ACVRL1: variants seen among roughly 807,000 people sequenced by gnomAD.
ACVRL1 encodes activin A receptor like type 1.
Under a neutral mutation model 51.9 loss-of-function variants are expected in ACVRL1, and 20 were observed. The observed-to-expected ratio is 0.39, with a 90% confidence interval of 0.27 to 0.56. The LOEUF (loss-of-function observed/expected upper bound fraction) is 0.56. ACVRL1 is among the 20% of genes least tolerant of loss of function. The probability of loss-of-function intolerance (pLI) is 0.67; values close to 1 mark genes in which losing one functional copy is unlikely to be tolerated. For synonymous variants in ACVRL1, 288 were observed against 280.9 expected, an observed-to-expected ratio of 1.03 and a Z score of -0.25; for missense variants, 451 against 670.3, an observed-to-expected ratio of 0.67 and a Z score of 3.61.
intron 6 of ACVRL1, among the ~76,000 whole-genome samples, chr12:51,914,877 G>A (rs1250237834): frequency 2.0e-5 from 3 of 152,054 alleles, no homozygotes; most frequent in Admixed American, 6.5e-5. Flanking sequence ...TTGAGTAGCT[G>A]GGACCACAGG....
At position 51,919,013 on chromosome 12, in the gene ACVRL1, C is replaced by T. The variant is rs191763644; in HGVS notation, c.1275C>T (p.Phe425=). The T allele has an allele frequency of 1.2e-6, 2 of 1,614,194 alleles. No individual in the cohort carries two copies. Among genetic ancestry groups the T allele is most frequent in the East Asian group, 2.2e-5 (1 of 44,878 alleles). The change falls in exon 9 of 10, where the codon TTC becomes TTT. Residue 425 remains phenylalanine (F), a synonymous_variant. Transcript: ENST00000388922. The part of the protein sequence containing the change: ...NGIVEDYRPP[F]YDVVPNDPSF... Reference sequence around the variant, plus strand: ...TCGTGGAGGACTATAGACCACCCTTCTATGATGTGGTGCCCAATGACCCCA... The same window carrying T: ...TCGTGGAGGACTATAGACCACCCTTTTATGATGTGGTGCCCAATGACCCCA...
chr12:51,914,371 A>G (rs1027646532), intron 5 of ACVRL1, 68 bp from the exon 6 acceptor site: 2 of 1,608,600 alleles, frequency 1.2e-6, no homozygotes, highest in Admixed American at 1.7e-5. Context: ...CGCAGCATCA[A>G]GATGGGGGGC....
At chr12:51,920,664 A>ACC in intron 9 of ACVRL1, 95 bp from the exon 10 acceptor site, 1 of 1,415,896 alleles carries the variant, frequency 7.1e-7, no homozygotes. Flanking sequence ...ATCTTCTCTG[A>ACC]CCCACCTCCC....
At chr12:51,913,509 G>C (rs561432935) in intron 3 of ACVRL1, 50 bp from the exon 4 acceptor site, 209 of 1,563,020 alleles carry the variant, frequency 1.3e-4, no homozygotes, top group South Asian at 1.0e-3. Context: ...GGCCCGAGGT[G>C]GGGGGAGCTG....
Position 51,915,250 on chromosome 12 carries a change from C to A in ACVRL1, c.798C>A (p.Ser266=), listed in dbSNP as rs2139072722. 1.9e-6 allele frequency: 3 copies of A among 1,614,164 alleles called. No individual in the cohort carries two copies. The highest frequency in any genetic ancestry group is 1.7e-6 in the Non-Finnish European group (2 of 1,180,042). Residue 266 remains serine (S), a synonymous_variant, in exon 7 of 10, where the codon TCC becomes TCA. Transcript: ENST00000388922. The part of the protein sequence containing the change: ...ILGFIASDMT[S]RNSSTQLWLI... Reference sequence around the variant, plus strand: ...GCTTCATCGCCTCAGACATGACCTCCCGCAACTCGAGCACGCAGCTGTGGC... The same window carrying A: ...GCTTCATCGCCTCAGACATGACCTCACGCAACTCGAGCACGCAGCTGTGGC...
At chr12:51,912,354 C>T (rs1940708568) in intron 1 of ACVRL1, 116 bp from the exon 2 acceptor site, 1 of 1,183,014 alleles carries the variant, frequency 8.5e-7, no homozygotes, top group Non-Finnish European at 1.2e-6. Context: ...GGGAGGCGGC[C>T]TCCCTGCCTC....
chr12:51,915,988 A>G (rs1261197031), intron 7 of ACVRL1, 48 bp from the exon 8 acceptor site: 1 of 1,585,904 alleles, frequency 6.3e-7, no homozygotes, highest in Admixed American at 1.7e-5. Context: ...TGCCCCCTGG[A>G]TCCCAGGTTT....
At chr12:51,915,961 T>C in intron 7 of ACVRL1, 75 bp from the exon 8 acceptor site, 2 of 1,523,174 alleles carry the variant, frequency 1.3e-6, no homozygotes, top group South Asian at 1.2e-5. Context: ...ACTGTTTCTC[T>C]CAGTCCCCAC....
chr12:51,908,501 T>C (rs924862228), intron 1 of ACVRL1, among the ~76,000 whole-genome samples: 4 of 152,222 alleles, frequency 2.6e-5, no homozygotes, highest in Admixed American at 6.5e-5. Context: ...ACTAACTATG[T>C]AGACACTTAG....
Position 51,913,729 on chromosome 12 carries a change from C to T in ACVRL1, c.484C>T (p.Leu162Phe), listed in dbSNP as rs76038779. The T allele has an allele frequency of 1.5e-4, 235 of 1,612,276 alleles. No individual in the cohort carries two copies. The African/African-American group carries it at 2.6e-3, about 18-fold the overall frequency. Residue 162 changes from leucine to phenylalanine, a missense_variant, in exon 4 of 10, where the codon CTC becomes TTC. Leu to Phe is a conservative substitution (Grantham distance 22). Transcript: ENST00000388922. ...GCACAGCGAGCTGGGAGAGTCCAGT[C>T]TCATCCTGAAAGCATCTGAGCAGGG... is the stretch of plus-strand genomic sequence containing the variant. Reference protein sequence around the residue: ...GLHSELGESSLILKASEQGDS... With the variant: ...GLHSELGESSFILKASEQGDS...
In ACVRL1 at chr12:51,915,397, G is replaced by A; in HGVS notation, c.945G>A (p.Val315=). ...CATGCGGCCTGGCGCACCTGCACGT[G>A]GAGATCTTCGGTACACAGGGCAAAC... ...SAACGLAHLH[V]EIFGTQGKPA... is the part of the protein sequence containing the mutation. The change falls in exon 7 of 10, where the codon GTG becomes GTA. Residue 315 remains valine (V), a synonymous_variant. Transcript: ENST00000388922. 1 of 1,613,964 alleles carries A rather than the reference G, an allele frequency of 6.2e-7. No homozygotes were observed. Among genetic ancestry groups the A allele is most frequent in the Non-Finnish European group, 8.5e-7 (1 of 1,180,042 alleles).
At position 51,913,587 on chromosome 12, in the gene ACVRL1, A is replaced by G; in HGVS notation, c.342A>G (p.Gly114=). ...EATQPPSEQP[G]TDGQLALILG... is the part of the protein sequence containing the mutation. ...CCCAACCTCCTTCGGAGCAGCCGGG[A>G]ACAGATGGCCAGCTGGCCCTGATCC... Residue 114 remains glycine (G), a synonymous_variant, in exon 4 of 10, where the codon GGA becomes GGG. Coordinates refer to ENST00000388922, the MANE Select transcript of ACVRL1 (RefSeq NM_000020.3). 1 of 1,599,940 alleles carries G rather than the reference A, an allele frequency of 6.3e-7. No individual in the cohort carries two copies. Among genetic ancestry groups the G allele is most frequent in the Non-Finnish European group, 8.5e-7 (1 of 1,179,854 alleles).
chr12:51,913,979 C>A lies in ACVRL1; in HGVS notation c.531C>A (p.Leu177=), dbSNP rs1261147719. Residue 177 remains leucine (L), a synonymous_variant, in exon 5 of 10, where the codon CTC becomes CTA. Transcript: ENST00000388922. ...TGGCCTCTCCGTACCCCCAGGACCT[C>A]CTGGACAGTGACTGCACCACAGGGA... The part of the protein sequence containing the change: ...SEQGDSMLGD[L]LDSDCTTGSG... 1 of 1,613,416 alleles carries A rather than the reference C, an allele frequency of 6.2e-7. No individual in the cohort carries two copies. Among genetic ancestry groups the A allele is most frequent in the Non-Finnish European group, 8.5e-7 (1 of 1,179,740 alleles).
chr12:51,913,668 G>A lies in ACVRL1; in HGVS notation c.423G>A (p.Trp141Ter), dbSNP rs1422629205. ...TGGCCCTGGGTGTCCTGGGCCTGTG[G>A]CATGTCCGACGGAGGCAGGAGAAGC... ...ALVALGVLGL[W>*]HVRRRQEKQR... Residue 141 changes from tryptophan (W) to a stop codon, truncating the protein, a stop_gained, in exon 4 of 10, where the codon TGG becomes TGA. Coordinates refer to ENST00000388922, the MANE Select transcript of ACVRL1 (RefSeq NM_000020.3). LOFTEE classifies it high-confidence loss of function. 1 of 1,609,692 alleles carries A rather than the reference G, an allele frequency of 6.2e-7. No individual in the cohort carries two copies. Among genetic ancestry groups the A allele is most frequent in the Non-Finnish European group, 8.5e-7 (1 of 1,179,988 alleles).
At position 51,920,888 on chromosome 12, in the gene ACVRL1, C is replaced by A; in HGVS notation, c.1507C>A (p.Gln503Lys). The change falls in exon 10 of 10, where the codon CAA (glutamine) becomes AAA (lysine). Residue 503 changes from glutamine (Q) to lysine (K), a missense_variant. This residue lies in a region of ACVRL1 where 259 missense variants were observed against 453.4 expected (regional missense o/e 0.57). Coordinates refer to ENST00000388922, the MANE Select transcript of ACVRL1 (RefSeq NM_000020.3). Reference sequence around the variant, plus strand: ...CAGTCCAGAGAAGCCTAAAGTGATTCAATAGCCCAGGAGCACCTGATTCCT... The same window carrying A: ...CAGTCCAGAGAAGCCTAAAGTGATTAAATAGCCCAGGAGCACCTGATTCCT... Reference protein sequence around the residue: ...SNSPEKPKVIQ With the variant: ...SNSPEKPKVIK 3.5e-6 allele frequency: 5 copies of A among 1,416,230 alleles called. No homozygotes were observed. Among genetic ancestry groups the A allele is most frequent in the South Asian group, 1.1e-5 (1 of 88,120 alleles). 87.7% of individuals were successfully genotyped at this position (1,416,230 alleles called of 1,614,324 possible). A position where few individuals can be genotyped will look rare whatever the true frequency, so the allele number is the denominator to read the frequency against.
chr12:51,912,363 T>C, intron 1 of ACVRL1, 107 bp from the exon 2 acceptor site: 1 of 1,294,078 alleles, frequency 7.7e-7, no homozygotes, highest in Non-Finnish European at 1.1e-6. Context: ...CCTCCCTGCC[T>C]CCCCTCCAAA....
At chr12:51,911,807 ACAAGGAACTAAGGGTAG>A (rs1940695452) in intron 1 of ACVRL1, among the ~76,000 whole-genome samples, 1 of 152,218 alleles carries the variant, frequency 6.6e-6, no homozygotes. Context: ...TGTCCCAGGC[ACAAGGAACTAAGGGTAG>A]CAAGGAACTA....
In ACVRL1 at chr12:51,913,238, G is replaced by C; in HGVS notation, c.201G>C (p.Arg67=). 5 of 1,591,040 alleles carry C rather than the reference G, an allele frequency of 3.1e-6. No homozygotes were observed. Among genetic ancestry groups the C allele is most frequent in the Non-Finnish European group, 4.3e-6 (5 of 1,168,828 alleles). Residue 67 remains arginine (R), a synonymous_variant, in exon 3 of 10, where the codon CGG becomes CGC. Transcript: ENST00000388922. ...AGGGGAGGCACCCCCAGGAACATCG[G>C]GGCTGCGGGAACTTGCACAGGGAGC... ...REEGRHPQEH[R]GCGNLHRELC... is the part of the protein sequence containing the mutation.
chr12:51,920,930 C>CGGG lies in ACVRL1; in HGVS notation c.*37_*38insGGG. ...CTGATTCCTTTCTGCCTGCAGGGGGCTGGGGGGGTGGGGGGCAGTGGATGG... is the reference window on the plus strand; with the variant it reads ...CTGATTCCTTTCTGCCTGCAGGGGGCGGGTGGGGGGGTGGGGGGCAGTGGATGG... On this transcript the variant is annotated 3_prime_UTR_variant, in exon 10 of 10. Transcript: ENST00000388922. 2 of 336,512 alleles carry CGGG rather than the reference C, an allele frequency of 5.9e-6. No homozygotes were observed. The highest frequency in any genetic ancestry group is 5.8e-6 in the Non-Finnish European group (1 of 173,536). The allele number at this position is 336,512 out of a possible 1,614,324, so 20.8% of individuals were successfully genotyped here.
Sources: gnomAD v4.1 joint callset for allele counts (sites outside exome capture counted in the v4.1 genomes callset) on GRCh38, gnomAD v4.1.1 for gene constraint, gnomAD v4.1.1 regional missense constraint, MANE v1.5 for transcripts, NCBI Gene and HGNC (gene_info 2026-07-23, HGNC 2026-07-21) for gene names.